The following KCNJ16 variants were observed in gnomAD, a reference collection of about 807,000 sequenced individuals.
KCNJ16 encodes the protein inward rectifier potassium channel 16.
In KCNJ16, 15 loss-of-function variants were observed where a neutral mutation model predicts 18.5. That is an observed-to-expected ratio of 0.81 (90% CI 0.54 to 1.25). The LOEUF (loss-of-function observed/expected upper bound fraction) is 1.25, where lower values mean the gene tolerates loss of function less well. Ranked by LOEUF, KCNJ16 falls within the 50% of genes most tolerant of loss-of-function variation. The pLI, the probability that KCNJ16 is intolerant of heterozygous loss-of-function variation, is 0.00. For synonymous variants in KCNJ16, 174 were observed against 186.5 expected (o/e 0.93, Z 0.55); for missense variants, 523 against 525.7 (o/e 0.99, Z 0.05).
chr17:70,112,022 G>A (rs1213732535), intron 2 of KCNJ16, among the ~76,000 whole-genome samples: 1 of 152,152 alleles, frequency 6.6e-6, no homozygotes, highest in Non-Finnish European at 1.5e-5. Flanking sequence ...TGATTCAAAT[G>A]AGAAGAATAT....
At chr17:70,093,015 T>C (rs1212428550) in intron 1 of KCNJ16, among the ~76,000 whole-genome samples, 1 of 152,192 alleles carries the variant, frequency 6.6e-6, no homozygotes, top group Non-Finnish European at 1.5e-5. Context: ...ACCAGCTATC[T>C]GGCCAACCCT....
At chr17:70,098,744 C>T (rs8071681) in intron 1 of KCNJ16, among the ~76,000 whole-genome samples, 59,698 of 152,102 alleles carry the variant, frequency 0.39, 12,022 homozygotes, top group South Asian at 0.42. Context: ...ATTTCCTCCA[C>T]TCATAGTAGC....
intron 2 of KCNJ16, among the ~76,000 whole-genome samples, chr17:70,127,859 C>A (rs1007414599): frequency 2.0e-5 from 3 of 152,194 alleles, no homozygotes; most frequent in African/African-American, 7.2e-5. Context: ...ACCTCAAACA[C>A]CACAGACATT....
rs779118420 is a variant in KCNJ16, at chr17:70,132,126, G to A, written c.39G>A (p.Ala13=). 5.0e-6 allele frequency: 8 copies of A among 1,614,130 alleles called. No individual in the cohort carries two copies. The highest frequency in any genetic ancestry group is 2.7e-5 in the African/African-American group (2 of 75,028). The part of the protein sequence containing the change: ...YYGSSYHIIN[A]DAKYPGYPPE... ...GCAGCAGCTATCATATTATCAATGC[G>A]GACGCAAAATACCCAGGCTACCCGC... is the stretch of plus-strand genomic sequence containing the variant. Residue 13 remains alanine (A), a synonymous_variant, in exon 4 of 4, where the codon GCG becomes GCA. Coordinates refer to ENST00000392671, the MANE Select transcript of KCNJ16 (RefSeq NM_170741.4).
At chr17:70,078,066 T>A (rs1299433901) in intron 1 of KCNJ16, among the ~76,000 whole-genome samples, 1 of 152,224 alleles carries the variant, frequency 6.6e-6, no homozygotes. Flanking sequence ...GGTGGATGAC[T>A]TTATTTTTTT....
At chr17:70,102,906 C>T (rs1323934383) in intron 2 of KCNJ16, among the ~76,000 whole-genome samples, 1 of 151,926 alleles carries the variant, frequency 6.6e-6, no homozygotes, top group Non-Finnish European at 1.5e-5. Context: ...TTGTTAATAT[C>T]TAACACACAT....
At chr17:70,128,649 C>T (rs988633262) in intron 2 of KCNJ16, 20 of 152,318 alleles carry the variant, frequency 1.3e-4, no homozygotes, top group African/African-American at 4.8e-4. Context: ...TTACCTGATT[C>T]AGCGTTTTCC....
At chr17:70,096,259 T>G (rs959358417) in intron 1 of KCNJ16, among the ~76,000 whole-genome samples, 37 of 152,168 alleles carry the variant, frequency 2.4e-4, no homozygotes, top group South Asian at 4.2e-4. Context: ...CTGATTTGGG[T>G]GGTTGTTTTC....
intron 1 of KCNJ16, among the ~76,000 whole-genome samples, chr17:70,086,660 T>G (rs570694721): frequency 5.9e-5 from 9 of 152,184 alleles, no homozygotes; most frequent in Non-Finnish European, 1.3e-4. Context: ...AGTACATTCA[T>G]GTTGAGGATG....
chr17:70,107,234 C>CA (rs1427868779), intron 2 of KCNJ16, among the ~76,000 whole-genome samples: 1 of 152,158 alleles, frequency 6.6e-6, no homozygotes, highest in Non-Finnish European at 1.5e-5. Flanking sequence ...TAGACTGACT[C>CA]AAAAATCAAA....
chr17:70,096,829 C>T (rs755069018), intron 1 of KCNJ16: 36 of 396,220 alleles, frequency 9.1e-5, no homozygotes, highest in Middle Eastern at 6.4e-4. Flanking sequence ...AAGCAAGTTA[C>T]AGCTAGTAAC....
rs145981874 is a variant in KCNJ16 at position 70,095,954 on chromosome 17, C to T, written c.-299-4704C>T. Among the ~76,000 whole-genome samples, 803 of 140,682 alleles carry T rather than the reference C, an allele frequency of 5.7e-3. 6 individuals carry two copies. The highest frequency in any genetic ancestry group is 0.019 in the African/African-American group (725 of 37,672). The allele number at this position is 140,682 out of a possible 152,430, so 92.3% of individuals were successfully genotyped here. ...CTGTAGTGCAGTGGCACTATCTCGGCTCACTGCAAGCTCCGCCTCCCGGGT... is the reference window on the plus strand; with the variant it reads ...CTGTAGTGCAGTGGCACTATCTCGGTTCACTGCAAGCTCCGCCTCCCGGGT... On this transcript the variant is annotated intron_variant, in intron 1 of 3. Transcript: ENST00000392671.
At chr17:70,120,189 A>G (rs924538942) in intron 2 of KCNJ16, among the ~76,000 whole-genome samples, 8 of 152,158 alleles carry the variant, frequency 5.3e-5, no homozygotes, top group Non-Finnish European at 1.0e-4. Context: ...CCAGTTCCCA[A>G]TAAGTTCCTC....
Position 70,107,864 on chromosome 17 carries a change from T to C in KCNJ16, c.-191+7098T>C, listed in dbSNP as rs1340591129. On this transcript the variant is annotated intron_variant, in intron 2 of 3. Transcript: ENST00000392671. ...ACATAAAACCTTTAAATACTAATGT[T>C]AAAAGAGAACTTCAGAGTTTTCTAG... 2.0e-5 allele frequency among the ~76,000 whole-genome samples: 3 copies of C among 152,146 alleles called. 1 individual carries two copies. Among genetic ancestry groups the C allele is most frequent in the African/African-American group, 7.2e-5 (3 of 41,444 alleles).
intron 1 of KCNJ16, among the ~76,000 whole-genome samples, chr17:70,095,076 G>C (rs2072292892): frequency 6.6e-6 from 1 of 152,162 alleles, no homozygotes; most frequent in Admixed American, 6.5e-5. Context: ...TTCAACTTAT[G>C]TGAGCATATG....
intron 1 of KCNJ16, among the ~76,000 whole-genome samples, chr17:70,091,604 TAC>T (rs61699534): frequency 0.91 from 137,665 of 151,300 alleles, 62,760 homozygotes; most frequent in East Asian, 0.96. Context: ...CCAGTACACA[TAC>T]ACACACACAC....
At chr17:70,086,677 C>T (rs2071811499) in intron 1 of KCNJ16, among the ~76,000 whole-genome samples, 1 of 152,084 alleles carries the variant, frequency 6.6e-6, no homozygotes, top group Non-Finnish European at 1.5e-5. Flanking sequence ...GATGACTGGG[C>T]TTCTGAAGGT....
rs77079043 is a variant in KCNJ16 at position 70,088,943 on chromosome 17, T to G, written c.-299-11715T>G. On this transcript the variant is annotated intron_variant, in intron 1 of 3. Coordinates refer to ENST00000392671, the MANE Select transcript of KCNJ16 (RefSeq NM_170741.4). The stretch of plus-strand genomic sequence containing the variant: ...TTAAAAAGTCAATTCAATTTAAAAT[T>G]GAATTTAAAATTGACTTTTAAAAAG... 5.6e-3 allele frequency among the ~76,000 whole-genome samples: 851 copies of G among 152,324 alleles called. 9 individuals are homozygous for G. The highest frequency in any genetic ancestry group is 0.019 in the African/African-American group (803 of 41,582).
intron 1 of KCNJ16, among the ~76,000 whole-genome samples, chr17:70,075,887 C>T (rs905899451): frequency 2.6e-5 from 4 of 151,760 alleles, no homozygotes; most frequent in African/African-American, 9.7e-5. Context: ...AATAAGAGAT[C>T]TATTTTTTCT....
Sources: gnomAD v4.1 joint callset for allele counts (sites outside exome capture counted in the v4.1 genomes callset) on GRCh38, gnomAD v4.1.1 for gene constraint, MANE v1.5 for transcripts, NCBI Gene and HGNC (gene_info 2026-07-23, HGNC 2026-07-21) for gene names.